The following PPP2R3A variants were observed in gnomAD, a reference collection of about 807,000 sequenced individuals.
PPP2R3A encodes protein phosphatase 2 regulatory subunit B''alpha.
In PPP2R3A, 80 loss-of-function variants were observed where a neutral mutation model predicts 106.9. That is an observed-to-expected ratio of 0.75 (90% CI 0.62 to 0.90). PPP2R3A has a LOEUF of 0.90. PPP2R3A is among the 40% of genes least tolerant of loss of function. The probability of loss-of-function intolerance (pLI) is 0.00; values close to 1 mark genes in which losing one functional copy is unlikely to be tolerated. For synonymous variants in PPP2R3A, 483 were observed against 468.3 expected, an observed-to-expected ratio of 1.03 and a Z score of -0.41; for missense variants, 1,386 against 1,350.4, an observed-to-expected ratio of 1.03 and a Z score of -0.41.
At chr3:136,009,144 T>C (rs894823067) in intron 2 of PPP2R3A, among the ~76,000 whole-genome samples, 1 of 152,150 alleles carries the variant, frequency 6.6e-6, no homozygotes, top group African/African-American at 2.4e-5. Context: ...CCCTTCCTAT[T>C]ATAACTTAAA....
At chr3:136,042,036 A>G (rs1035647572) in intron 4 of PPP2R3A, among the ~76,000 whole-genome samples, 1 of 152,190 alleles carries the variant, frequency 6.6e-6, no homozygotes, top group Non-Finnish European at 1.5e-5. Context: ...GGGAAATGCT[A>G]CTCACCTATT....
In PPP2R3A at chr3:136,077,946, C is replaced by T. The variant is rs74439119; in HGVS notation, c.2545-421C>T. ...AGGCTATAATAACCAGAATAAGGCC[C>T]TCTTGAATCATACCACCTTGATAGC... is the stretch of plus-strand genomic sequence containing the variant. On this transcript the variant is annotated intron_variant, in intron 6 of 13. Transcript: ENST00000264977. 3.7e-3 allele frequency among the ~76,000 whole-genome samples: 570 copies of T among 152,252 alleles called. 11 individuals are homozygous for T. In the East Asian group the frequency reaches 0.059, roughly 16 times the overall value.
intron 13 of PPP2R3A, among the ~76,000 whole-genome samples, chr3:136,135,055 G>A (rs1184709022): frequency 1.1e-4 from 17 of 152,120 alleles, no homozygotes; most frequent in Admixed American, 1.1e-3. Context: ...TCAAGCGAAA[G>A]TTTTTTTCAA....
At chr3:136,097,205 A>G (rs564737064) in intron 10 of PPP2R3A, among the ~76,000 whole-genome samples, 2 of 152,274 alleles carry the variant, frequency 1.3e-5, no homozygotes, top group South Asian at 4.1e-4. Context: ...AGAAAAAAAA[A>G]AAAAGAATCT....
chr3:136,013,937 T>C (rs1462406738), intron 2 of PPP2R3A, among the ~76,000 whole-genome samples: 2 of 152,204 alleles, frequency 1.3e-5, no homozygotes, highest in African/African-American at 4.8e-5. Flanking sequence ...AGAAGGGTTT[T>C]TCCGATGTTG....
intron 7 of PPP2R3A, 121 bp from the exon 8 acceptor site, chr3:136,082,144 T>C: frequency 1.3e-6 from 1 of 773,146 alleles, no homozygotes; most frequent in South Asian, 1.9e-5. Flanking sequence ...TTAAAGGGTT[T>C]CTGATTTGGT....
intron 5 of PPP2R3A, among the ~76,000 whole-genome samples, chr3:136,050,983 G>A (rs549734215): frequency 3.3e-5 from 5 of 152,274 alleles, no homozygotes; most frequent in Admixed American, 3.3e-4. Context: ...GAGAGAGAGA[G>A]ATGTCTAACA....
intron 1 of PPP2R3A, among the ~76,000 whole-genome samples, chr3:135,974,906 A>G (rs1462890919): frequency 6.6e-6 from 1 of 152,218 alleles, no homozygotes; most frequent in African/African-American, 2.4e-5. Flanking sequence ...GGGCTTAGGA[A>G]TCCTAGCAAG....
At position 136,003,161 on chromosome 3, in the gene PPP2R3A, G is replaced by A; in HGVS notation, c.1663G>A (p.Glu555Lys). ...QLTGQTLVDLEPKSKVSSPIE... is the reference protein window; with the variant it reads ...QLTGQTLVDLKPKSKVSSPIE... ...GACCGGTCAGACCCTTGTAGATCTTGAGCCTAAATCTAAAGTCTCTTCACC... is the reference window on the plus strand; with the variant it reads ...GACCGGTCAGACCCTTGTAGATCTTAAGCCTAAATCTAAAGTCTCTTCACC... The change falls in exon 2 of 14, where the codon GAG (glutamate) becomes AAG (lysine). Residue 555 changes from glutamate (E) to lysine (K), a missense_variant. Glu to Lys is a moderately conservative substitution (Grantham distance 56). Coordinates refer to ENST00000264977, the MANE Select transcript of PPP2R3A (RefSeq NM_002718.5). 3 of 1,613,762 alleles carry A rather than the reference G, an allele frequency of 1.9e-6. No homozygotes were observed. The highest frequency in any genetic ancestry group is 2.5e-6 in the Non-Finnish European group (3 of 1,179,806).
chr3:136,108,666 A>G (rs1937552542), intron 13 of PPP2R3A, among the ~76,000 whole-genome samples: 1 of 152,110 alleles, frequency 6.6e-6, no homozygotes, highest in African/African-American at 2.4e-5. Flanking sequence ...TGAATTTACT[A>G]GAACTCAAGG....
intron 5 of PPP2R3A, 123 bp from the exon 6 acceptor site, chr3:136,070,355 G>A: frequency 1.6e-6 from 1 of 625,486 alleles, no homozygotes; most frequent in South Asian, 2.4e-5. Context: ...TAAATTTTAA[G>A]TGCATTATTC....
chr3:136,106,407 T>C lies in PPP2R3A; in HGVS notation c.3329+85T>C, dbSNP rs1433982446. On this transcript the variant is annotated intron_variant, in intron 13 of 13. Transcript: ENST00000264977. ...TTAAAACCCCCTTACAAAATCCTTT[T>C]CTGTTTTTTCCATTTTTGAATAGCA... is the stretch of plus-strand genomic sequence containing the variant. The C allele has an allele frequency of 1.6e-5, 19 of 1,184,894 alleles. No homozygotes were observed. In the South Asian group the frequency reaches 2.2e-4, roughly 14 times the overall value. 73.4% of individuals were successfully genotyped at this position (1,184,894 alleles called of 1,614,324 possible).
intron 13 of PPP2R3A, among the ~76,000 whole-genome samples, chr3:136,141,247 G>T (rs935337956): frequency 6.6e-6 from 1 of 152,138 alleles, no homozygotes; most frequent in African/African-American, 2.4e-5. Flanking sequence ...CACCTAAAAG[G>T]TTGAAAAGAA....
At position 136,059,748 on chromosome 3, in the gene PPP2R3A, G is replaced by A. The variant is rs540631780; in HGVS notation, c.2469+10387G>A. ...TCAACCTAAATGCCCATCAATGATA[G>A]ACCAGATAAAGAAAATGTGATATAT... On this transcript the variant is annotated intron_variant, in intron 5 of 13. Transcript: ENST00000264977. Among the ~76,000 whole-genome samples the A allele has an allele frequency of 2.6e-5, 4 of 152,300 alleles. No homozygotes were observed. In the East Asian group the frequency reaches 7.7e-4, roughly 29 times the overall value.
At chr3:136,025,037 T>C (rs1016718907) in intron 2 of PPP2R3A, among the ~76,000 whole-genome samples, 11 of 152,180 alleles carry the variant, frequency 7.2e-5, no homozygotes, top group African/African-American at 2.7e-4. Flanking sequence ...TATTTTATTA[T>C]TGAATCTGAA....
At chr3:136,029,494 G>T (rs56748703) in intron 3 of PPP2R3A, among the ~76,000 whole-genome samples, 1 of 152,162 alleles carries the variant, frequency 6.6e-6, no homozygotes, top group Admixed American at 6.5e-5. Context: ...CAAGGGAGGT[G>T]TCAAAAAGAA....
intron 1 of PPP2R3A, among the ~76,000 whole-genome samples, chr3:135,976,806 A>C (rs201010644): frequency 1.3e-5 from 2 of 152,108 alleles, no homozygotes; most frequent in Non-Finnish European, 2.9e-5. Flanking sequence ...TTTTAATACT[A>C]TTTTTAAAAT....
chr3:136,012,745 T>C (rs1266534525), intron 2 of PPP2R3A, among the ~76,000 whole-genome samples: 1 of 152,212 alleles, frequency 6.6e-6, no homozygotes, highest in Admixed American at 6.5e-5. Context: ...TACAGGGATA[T>C]TTTAAAGAAA....
rs113506841 is a variant in PPP2R3A at position 136,088,359 on chromosome 3, C to T, written c.2837+428C>T. ...GTGAGAACATACGGTATTTGGTTTT[C>T]TGTTCCTGTGTTAATTCGCTTAGGA... is the stretch of plus-strand genomic sequence containing the variant. On this transcript the variant is annotated intron_variant, in intron 9 of 13. Transcript: ENST00000264977. 4.8e-3 allele frequency among the ~76,000 whole-genome samples: 738 copies of T among 152,336 alleles called. 5 individuals are homozygous for T. Among genetic ancestry groups the T allele is most frequent in the Middle Eastern group, 0.014 (4 of 294 alleles).
Sources: gnomAD v4.1 joint callset for allele counts (sites outside exome capture counted in the v4.1 genomes callset) on GRCh38, gnomAD v4.1.1 for gene constraint, MANE v1.5 for transcripts, NCBI Gene and HGNC (gene_info 2026-07-23, HGNC 2026-07-21) for gene names.